The following PRKCE variants were observed in gnomAD, a reference collection of about 807,000 sequenced individuals.
PRKCE encodes protein kinase C epsilon type.
A neutral mutation model predicts 85.4 loss-of-function variants in PRKCE; 16 were observed. The ratio of observed to expected loss-of-function variants is 0.19; its 90% confidence interval spans 0.13 to 0.28. The LOEUF is 0.28. Among genes scored for constraint, PRKCE ranks in the 10% least tolerant of loss-of-function variants. The pLI is 1.00. For missense variants in PRKCE, 573 were observed against 975.2 expected, an observed-to-expected ratio of 0.59 and a Z score of 5.49; for synonymous variants, 388 against 371.5, an observed-to-expected ratio of 1.04 and a Z score of -0.51.
chr2:45,834,860 A>G (rs1394466675), intron 1 of PRKCE, among the ~76,000 whole-genome samples: 1 of 152,224 alleles, frequency 6.6e-6, no homozygotes, highest in African/African-American at 2.4e-5. Context: ...AAGGCTTTCT[A>G]TAACATTTGG....
chr2:45,875,909 AAAATGCT>A (rs1392832541), intron 2 of PRKCE, among the ~76,000 whole-genome samples: 1 of 152,236 alleles, frequency 6.6e-6, no homozygotes, highest in Non-Finnish European at 1.5e-5. Context: ...CAGTCCTCAG[AAAATGCT>A]AAATAACTTT....
chr2:45,736,789 T>A (rs1365274897), intron 1 of PRKCE, among the ~76,000 whole-genome samples: 1 of 152,146 alleles, frequency 6.6e-6, no homozygotes, highest in Non-Finnish European at 1.5e-5. Flanking sequence ...TGGGAAGAAT[T>A]TATGGATAGG....
Position 46,085,605 on chromosome 2 carries a change from C to G in PRKCE, c.1438-603C>G, listed in dbSNP as rs989138145. Among the ~76,000 whole-genome samples, 2 of 115,678 alleles carry G rather than the reference C, an allele frequency of 1.7e-5. 1 individual carries two copies. The highest frequency in any genetic ancestry group is 3.6e-5 in the Non-Finnish European group (2 of 56,110). The allele number at this position is 115,678 out of a possible 152,430, so 75.9% of individuals were successfully genotyped here. A position where few individuals can be genotyped will look rare whatever the true frequency, so the allele number is the denominator to read the frequency against. On this transcript the variant is annotated intron_variant, in intron 10 of 14. Coordinates refer to ENST00000306156, the MANE Select transcript of PRKCE (RefSeq NM_005400.3). ...TGCCTCTGTGGCCACTTGGCCTCCT[C>G]CTCCCTGACTCAGGTCTTCCTCTAC...
At chr2:46,095,980 G>A (rs2104006990) in intron 11 of PRKCE, among the ~76,000 whole-genome samples, 1 of 152,282 alleles carries the variant, frequency 6.6e-6, no homozygotes, top group Middle Eastern at 3.4e-3. Flanking sequence ...ACTGTCCACT[G>A]GATTTACAAC....
chr2:45,791,808 A>G (rs1215076278), intron 1 of PRKCE, among the ~76,000 whole-genome samples: 1 of 152,210 alleles, frequency 6.6e-6, no homozygotes. Flanking sequence ...CCAGTGGAGC[A>G]TAATGGTCAG....
intron 2 of PRKCE, among the ~76,000 whole-genome samples, chr2:45,923,399 C>T (rs1047595946): frequency 6.6e-6 from 1 of 152,172 alleles, no homozygotes; most frequent in African/African-American, 2.4e-5. Flanking sequence ...AGCCAACTGC[C>T]TGAGGCTCAC....
intron 1 of PRKCE, among the ~76,000 whole-genome samples, chr2:45,690,047 A>G (rs1205947255): frequency 3.3e-5 from 5 of 152,212 alleles, no homozygotes; most frequent in African/African-American, 1.2e-4. Flanking sequence ...CAAACAGGAA[A>G]ATCATGCACA....
At chr2:45,888,215 G>T (rs1308984351) in intron 2 of PRKCE, among the ~76,000 whole-genome samples, 1 of 152,214 alleles carries the variant, frequency 6.6e-6, no homozygotes, top group South Asian at 2.1e-4. Flanking sequence ...CTCCTGCTTA[G>T]CTCCTTTGAA....
At chr2:45,798,738 T>A (rs1408023796) in intron 1 of PRKCE, among the ~76,000 whole-genome samples, 1 of 151,512 alleles carries the variant, frequency 6.6e-6, no homozygotes, top group Non-Finnish European at 1.5e-5. Context: ...CGTTTCAAAG[T>A]GTATATGGGC....
At chr2:45,853,024 G>C (rs1021745504) in intron 2 of PRKCE, among the ~76,000 whole-genome samples, 2 of 152,162 alleles carry the variant, frequency 1.3e-5, no homozygotes, top group African/African-American at 4.8e-5. Context: ...TCTGAACCAT[G>C]CTGAGCAGGC....
At chr2:45,702,080 T>G (rs1678689453) in intron 1 of PRKCE, among the ~76,000 whole-genome samples, 1 of 152,090 alleles carries the variant, frequency 6.6e-6, no homozygotes, top group South Asian at 2.1e-4. Context: ...TCCTAGCTAC[T>G]CAGGGGGCTG....
intron 1 of PRKCE, among the ~76,000 whole-genome samples, chr2:45,684,572 G>C (rs1434416731): frequency 6.6e-6 from 1 of 152,206 alleles, no homozygotes; most frequent in Non-Finnish European, 1.5e-5. Context: ...AAAAAATGTT[G>C]GTTGGACCTA....
rs553014860 is a variant in PRKCE at position 46,030,004 on chromosome 2, T to C, written c.1437+19487T>C. Among the ~76,000 whole-genome samples the C allele has an allele frequency of 2.6e-5, 4 of 152,242 alleles. No individual in the cohort carries two copies. The East Asian group carries it at 7.7e-4, about 29-fold the overall frequency. Reference sequence around the variant, plus strand: ...AGGTGAAAAACCCACCCGCAAAACATGGCTAGAAGATTCTGTAAACCCATT... The same window carrying C: ...AGGTGAAAAACCCACCCGCAAAACACGGCTAGAAGATTCTGTAAACCCATT... On this transcript the variant is annotated intron_variant, in intron 10 of 14. Transcript: ENST00000306156.
chr2:46,110,865 T>G (rs1328692105), intron 11 of PRKCE, among the ~76,000 whole-genome samples: 1 of 152,180 alleles, frequency 6.6e-6, no homozygotes, highest in African/African-American at 2.4e-5. Context: ...TTTCACCGTA[T>G]TCCACTAATT....
chr2:46,084,023 G>C (rs144752490), intron 10 of PRKCE, among the ~76,000 whole-genome samples: 1 of 152,194 alleles, frequency 6.6e-6, no homozygotes, highest in Non-Finnish European at 1.5e-5. Flanking sequence ...CAGTGGTCTG[G>C]GGTTGGCGAG....
intron 1 of PRKCE, among the ~76,000 whole-genome samples, chr2:45,839,491 A>C (rs1056255019): frequency 2.0e-5 from 3 of 152,228 alleles, no homozygotes; most frequent in Non-Finnish European, 2.9e-5. Context: ...TGCATCTGGG[A>C]GAACTGGGAG....
intron 1 of PRKCE, among the ~76,000 whole-genome samples, chr2:45,801,663 A>G (rs1185416740): frequency 6.6e-6 from 1 of 152,160 alleles, no homozygotes. Context: ...AGAGCCAGCT[A>G]GAGAGGAGGC....
intron 1 of PRKCE, among the ~76,000 whole-genome samples, chr2:45,821,253 T>G (rs889849179): frequency 6.6e-6 from 1 of 152,226 alleles, no homozygotes; most frequent in East Asian, 1.9e-4. Flanking sequence ...TACTCAACAT[T>G]GAATATTTAC....
chr2:45,981,942 A>G (rs1279119848), intron 5 of PRKCE, among the ~76,000 whole-genome samples: 1 of 152,206 alleles, frequency 6.6e-6, no homozygotes, highest in Non-Finnish European at 1.5e-5. Flanking sequence ...TAAAGGGTTG[A>G]GATTTGAAAT....
Sources: allele counts gnomAD v4.1 joint callset (sites outside exome capture counted in the v4.1 genomes callset), GRCh38; gene constraint gnomAD v4.1.1; transcripts MANE v1.5; gene names NCBI Gene and HGNC (gene_info 2026-07-23, HGNC 2026-07-21).